The following SPSB4 variants were observed in gnomAD, a reference collection of about 807,000 sequenced individuals.
SPSB4 encodes the protein SPRY domain-containing SOCS box protein 4.
Under a neutral mutation model 20.9 loss-of-function variants are expected in SPSB4, and 21 were observed. The ratio of observed to expected loss-of-function variants is 1.01; its 90% CI spans 0.71 to 1.45. The LOEUF (loss-of-function observed/expected upper bound fraction) is 1.45, where lower values mean the gene tolerates loss of function less well. SPSB4 is among the 40% of genes most tolerant of loss of function. The probability of loss-of-function intolerance (pLI) is 0.00; values close to 1 mark genes in which losing one functional copy is unlikely to be tolerated. For missense variants in SPSB4, 399 were observed against 399.2 expected, an observed-to-expected ratio of 1.00 and a Z score of 0.00; for synonymous variants, 207 against 183.8, an observed-to-expected ratio of 1.13 and a Z score of -1.02.
chr3:141,129,782 C>A (rs116109397), intron 2 of SPSB4, among the ~76,000 whole-genome samples: 356 of 152,376 alleles, frequency 2.3e-3, no homozygotes, highest in African/African-American at 8.2e-3. Context: ...TTGGAGGCTT[C>A]TCACATCCTT....
intron 2 of SPSB4, among the ~76,000 whole-genome samples, chr3:141,084,310 C>G (rs11925565): frequency 0.13 from 19,252 of 152,136 alleles, 1,413 homozygotes; most frequent in East Asian, 0.25. Context: ...CGTCCCTTCC[C>G]TCCACCTCCC....
At chr3:141,136,130 A>G (rs913378739) in intron 2 of SPSB4, among the ~76,000 whole-genome samples, 3 of 152,174 alleles carry the variant, frequency 2.0e-5, no homozygotes, top group Admixed American at 1.3e-4. Flanking sequence ...TTTTGGCTGC[A>G]TGAATGTCTT....
intron 2 of SPSB4, chr3:141,115,029 G>A (rs938597375): frequency 6.6e-6 from 1 of 152,206 alleles, no homozygotes; most frequent in African/African-American, 2.4e-5. Flanking sequence ...TCCTTCATAG[G>A]GTGTGAGGAG....
At chr3:141,074,199 T>G (rs1938059022) in intron 2 of SPSB4, among the ~76,000 whole-genome samples, 1 of 152,182 alleles carries the variant, frequency 6.6e-6, no homozygotes. Context: ...TCTAATTAGC[T>G]GTGACCCTGA....
At chr3:141,092,670 C>T (rs888842588) in intron 2 of SPSB4, among the ~76,000 whole-genome samples, 1 of 152,208 alleles carries the variant, frequency 6.6e-6, no homozygotes, top group African/African-American at 2.4e-5. Context: ...GGCATGGGGG[C>T]TCAGGCTCTT....
intron 2 of SPSB4, among the ~76,000 whole-genome samples, chr3:141,099,659 G>A (rs1043030858): frequency 6.6e-6 from 1 of 152,206 alleles, no homozygotes; most frequent in Middle Eastern, 3.2e-3. Flanking sequence ...GTTGGTTAGT[G>A]CCTTGCAGAA....
At chr3:141,121,732 A>T (rs561303291) in intron 2 of SPSB4, among the ~76,000 whole-genome samples, 1 of 152,302 alleles carries the variant, frequency 6.6e-6, no homozygotes, top group Non-Finnish European at 1.5e-5. Context: ...CATGTGTCAC[A>T]AAGTTCTTGT....
chr3:141,094,122 C>A (rs1938508085), intron 2 of SPSB4, among the ~76,000 whole-genome samples: 1 of 152,194 alleles, frequency 6.6e-6, no homozygotes, highest in Non-Finnish European at 1.5e-5. Flanking sequence ...AGCCTTGCTG[C>A]CTGAGGTCGG....
chr3:141,066,196 C>T lies in SPSB4; in HGVS notation c.92C>T (p.Pro31Leu). 1 of 1,530,308 alleles carries T rather than the reference C, an allele frequency of 6.5e-7. No homozygotes were observed. 94.8% of individuals were successfully genotyped at this position (1,530,308 alleles called of 1,614,324 possible). The change falls in exon 2 of 3, where the codon CCC becomes CTC. Residue 31 changes from proline to leucine, a missense_variant. Coordinates refer to ENST00000310546, the MANE Select transcript of SPSB4 (RefSeq NM_080862.3). ...AAGCGGGAGCTGCGGGGTGCAGAGC[C>T]CGGGCGGCCGGCGCGGCTGGACCAG... ...PAKRELRGAE[P>L]GRPARLDQLL...
At chr3:141,072,805 T>A (rs1219867805) in intron 2 of SPSB4, among the ~76,000 whole-genome samples, 1 of 152,138 alleles carries the variant, frequency 6.6e-6, no homozygotes, top group Non-Finnish European at 1.5e-5. Context: ...CTCCTGTGTA[T>A]CTCGGCCCCC....
At chr3:141,070,387 C>T (rs751510670) in intron 2 of SPSB4, among the ~76,000 whole-genome samples, 17 of 152,026 alleles carry the variant, frequency 1.1e-4, no homozygotes, top group Non-Finnish European at 1.6e-4. Context: ...GGCTGGAGTG[C>T]GGTTGTGCAA....
intron 2 of SPSB4, among the ~76,000 whole-genome samples, chr3:141,129,555 G>T (rs562716400): frequency 2.0e-5 from 3 of 152,272 alleles, no homozygotes; most frequent in Admixed American, 6.5e-5. Flanking sequence ...GGCCTTTCTT[G>T]TTTTCCAGCA....
intron 2 of SPSB4, among the ~76,000 whole-genome samples, chr3:141,132,605 C>T (rs553361846): frequency 1.3e-5 from 2 of 151,992 alleles, no homozygotes; most frequent in Non-Finnish European, 2.9e-5. Context: ...CTGTGAATGC[C>T]ATTATTTCAT....
rs146645128 is a variant in SPSB4, at chr3:141,108,139, C to A, written c.695-39003C>A. 9.7e-3 allele frequency among the ~76,000 whole-genome samples: 1,469 copies of A among 152,062 alleles called. 27 individuals carry two copies. Among genetic ancestry groups the A allele is most frequent in the African/African-American group, 0.034 (1,412 of 41,466 alleles). On this transcript the variant is annotated intron_variant, in intron 2 of 2. Transcript: ENST00000310546. ...GCGAGGGTCAGAGTCTTACTGAATT[C>A]ACAGAGCTAGTTAAATCACCGAGCT...
chr3:141,114,971 T>C (rs975605889), intron 2 of SPSB4, among the ~76,000 whole-genome samples: 1 of 152,176 alleles, frequency 6.6e-6, no homozygotes, highest in East Asian at 1.9e-4. Flanking sequence ...GCCCTGCCAA[T>C]GTTGCCTGCA....
intron 2 of SPSB4, among the ~76,000 whole-genome samples, chr3:141,121,008 G>T (rs914442615): frequency 6.7e-6 from 1 of 149,984 alleles, no homozygotes. Flanking sequence ...TCCTAGCTTC[G>T]ATGCTCTTTA....
At chr3:141,073,728 AC>A (rs1204816935) in intron 2 of SPSB4, among the ~76,000 whole-genome samples, 2 of 152,198 alleles carry the variant, frequency 1.3e-5, no homozygotes, top group African/African-American at 4.8e-5. Context: ...TTCCTCTGCC[AC>A]AGGGGGACTT....
chr3:141,103,966 G>A lies in SPSB4; in HGVS notation c.694+37168G>A, dbSNP rs532219315. ...AAGAGATCATGCTCAAAGTAGGTTC[G>A]TCACTTAAAAGGACCATTGATCCGA... On this transcript the variant is annotated intron_variant, in intron 2 of 2. Transcript: ENST00000310546. Among the ~76,000 whole-genome samples the A allele has an allele frequency of 5.9e-5, 9 of 152,174 alleles. No individual in the cohort carries two copies. The South Asian group carries it at 1.7e-3, about 28-fold the overall frequency.
chr3:141,095,206 A>G (rs1016745212), intron 2 of SPSB4, among the ~76,000 whole-genome samples: 1 of 152,092 alleles, frequency 6.6e-6, no homozygotes, highest in Admixed American at 6.5e-5. Flanking sequence ...GTGATGCCGC[A>G]GCCCTCCGCA....
Sources: allele counts gnomAD v4.1 joint callset (sites outside exome capture counted in the v4.1 genomes callset), GRCh38; gene constraint gnomAD v4.1.1; transcripts MANE v1.5; gene names NCBI Gene and HGNC (gene_info 2026-07-23, HGNC 2026-07-21).